Variants in PI4K2B observed in about 807,000 individuals in gnomAD.
PI4K2B encodes phosphatidylinositol 4-kinase type 2-beta.
A neutral mutation model predicts 56.6 loss-of-function variants in PI4K2B; 46 were observed. The ratio of observed to expected loss-of-function variants is 0.81; its 90% CI spans 0.64 to 1.04. The LOEUF (loss-of-function observed/expected upper bound fraction) is 1.04. Ranked by LOEUF, PI4K2B falls within the 50% of genes least tolerant of loss-of-function variation. PI4K2B has a pLI of 0.00. For missense variants in PI4K2B, 556 were observed against 607.7 expected (o/e 0.91, Z 0.89); for synonymous variants, 211 against 223.8 (o/e 0.94, Z 0.51).
chr4:25,248,164 T>A (rs1431422702), intron 1 of PI4K2B, among the ~76,000 whole-genome samples: 1 of 152,378 alleles, frequency 6.6e-6, no homozygotes, highest in East Asian at 1.9e-4. Context: ...ACTTCATACA[T>A]ACTTACTTCA....
In PI4K2B at chr4:25,234,229, G is replaced by C; in HGVS notation, c.66G>C (p.Glu22Asp). 13 of 1,427,952 alleles carry C rather than the reference G, an allele frequency of 9.1e-6. No homozygotes were observed. The highest frequency in any genetic ancestry group is 1.2e-5 in the Non-Finnish European group (13 of 1,090,252). The allele number at this position is 1,427,952 out of a possible 1,614,324, so 88.5% of individuals were successfully genotyped here. A position where few individuals can be genotyped will look rare whatever the true frequency, so the allele number is the denominator to read the frequency against. ...SADGGSPEEE[E>D]DGEREPLLPR... ...ACGGCGGGAGCCCGGAGGAGGAGGAGGATGGGGAGCGGGAGCCGCTGCTAC... is the reference window on the plus strand; with the variant it reads ...ACGGCGGGAGCCCGGAGGAGGAGGACGATGGGGAGCGGGAGCCGCTGCTAC... The change falls in exon 1 of 10, where the codon GAG (glutamate) becomes GAC (aspartate). Residue 22 changes from glutamate to aspartate, a missense_variant. Glu to Asp is a conservative substitution (Grantham distance 45). Transcript: ENST00000264864.
At chr4:25,243,934 A>T (rs569840709) in intron 1 of PI4K2B, among the ~76,000 whole-genome samples, 1 of 152,290 alleles carries the variant, frequency 6.6e-6, no homozygotes, top group African/African-American at 2.4e-5. Flanking sequence ...TTCGGCTGTC[A>T]TTCTATCATT....
chr4:25,250,087 C>T (rs910816767), intron 1 of PI4K2B, among the ~76,000 whole-genome samples: 9 of 152,154 alleles, frequency 5.9e-5, no homozygotes, highest in Non-Finnish European at 7.3e-5. Flanking sequence ...GGCGTGGCAG[C>T]GCGCGCCTGC....
intron 1 of PI4K2B, among the ~76,000 whole-genome samples, chr4:25,242,978 G>A (rs1010966740): frequency 6.6e-6 from 1 of 152,216 alleles, no homozygotes; most frequent in Non-Finnish European, 1.5e-5. Context: ...AGAAATGCAT[G>A]TGAAAAGAGC....
At chr4:25,262,353 AAATT>A (rs1716510707) in intron 6 of PI4K2B, among the ~76,000 whole-genome samples, 1 of 152,146 alleles carries the variant, frequency 6.6e-6, no homozygotes, top group South Asian at 2.1e-4. Flanking sequence ...AAAAATAAAA[AAATT>A]AAAGATAATT....
At chr4:25,250,850 G>A (rs1361716898) in intron 1 of PI4K2B, among the ~76,000 whole-genome samples, 1 of 152,172 alleles carries the variant, frequency 6.6e-6, no homozygotes, top group Non-Finnish European at 1.5e-5. Flanking sequence ...GTTGGATTCT[G>A]GGTATTTATT....
intron 7 of PI4K2B, among the ~76,000 whole-genome samples, chr4:25,266,042 A>G (rs199765036): frequency 6.7e-6 from 1 of 150,122 alleles, no homozygotes; most frequent in Non-Finnish European, 1.5e-5. Context: ...TTTTTTTTTA[A>G]TCAGTGTGAA....
chr4:25,267,897 C>G (rs1716724215), intron 7 of PI4K2B: 1 of 980,530 alleles, frequency 1.0e-6, no homozygotes, highest in Non-Finnish European at 1.2e-6. Flanking sequence ...TGATTTGTAG[C>G]TGTGGAGGCT....
intron 1 of PI4K2B, among the ~76,000 whole-genome samples, chr4:25,244,460 C>T (rs1715673968): frequency 6.6e-6 from 1 of 152,136 alleles, no homozygotes; most frequent in Non-Finnish European, 1.5e-5. Context: ...TTTGCTTTCC[C>T]TCTTACAGAA....
At chr4:25,252,094 T>G (rs1169695792) in intron 1 of PI4K2B, among the ~76,000 whole-genome samples, 8 of 152,184 alleles carry the variant, frequency 5.3e-5, no homozygotes, top group Admixed American at 5.2e-4. Flanking sequence ...CCTAAAGTGC[T>G]GGGATTACAG....
In PI4K2B at chr4:25,234,109, T is replaced by C. The variant is rs912234597; in HGVS notation, c.-55T>C. The C allele has an allele frequency of 1.6e-6, 2 of 1,245,682 alleles. No homozygotes were observed. The allele number at this position is 1,245,682 out of a possible 1,614,324, so 77.2% of individuals were successfully genotyped here. ...GTTCCGCGCCATGCAGAGCCCAGTC[T>C]CTGGCACCTGGCTGCTCTGATCTGG... On this transcript the variant is annotated 5_prime_UTR_variant, in exon 1 of 10. Coordinates refer to ENST00000264864, the MANE Select transcript of PI4K2B (RefSeq NM_018323.4).
chr4:25,272,187 G>C (rs1463401421), intron 9 of PI4K2B, among the ~76,000 whole-genome samples: 1 of 151,762 alleles, frequency 6.6e-6, no homozygotes, highest in African/African-American at 2.4e-5. Flanking sequence ...GAGTGTTCCA[G>C]TTCTGAGGCC....
At chr4:25,276,896 C>A in intron 9 of PI4K2B, 118 bp from the exon 10 acceptor site, 1 of 1,382,730 alleles carries the variant, frequency 7.2e-7, no homozygotes, top group Non-Finnish European at 9.4e-7. Context: ...TCTTCACAGT[C>A]TCTGTTGCTC....
Position 25,236,563 on chromosome 4 carries a change from T to A in PI4K2B, c.268+2132T>A, listed in dbSNP as rs562817357. ...GTGAGACTTTGTCTCAAAAAAAAAA[T>A]TAATTATTTTCACAACAGCACAGCA... On this transcript the variant is annotated intron_variant, in intron 1 of 9. Coordinates refer to ENST00000264864, the MANE Select transcript of PI4K2B (RefSeq NM_018323.4). Among the ~76,000 whole-genome samples the A allele has an allele frequency of 1.2e-3, 178 of 152,080 alleles. 2 individuals carry two copies. The South Asian group carries it at 0.021, about 18-fold the overall frequency.
rs1268236627 is a variant in PI4K2B, at chr4:25,235,593, A to G, written c.268+1162A>G. On this transcript the variant is annotated intron_variant, in intron 1 of 9. Transcript: ENST00000264864. Reference sequence around the variant, plus strand: ...TCTGCTCCCGTTATAATGTTACCTGATGGATGCATTGACGTTTAACCAAAC... The same window carrying G: ...TCTGCTCCCGTTATAATGTTACCTGGTGGATGCATTGACGTTTAACCAAAC... 2.6e-5 allele frequency among the ~76,000 whole-genome samples: 4 copies of G among 152,206 alleles called. No individual in the cohort carries two copies. The East Asian group carries it at 7.7e-4, about 29-fold the overall frequency.
rs1013911653 is a variant in PI4K2B, at chr4:25,278,606, C to A, written c.*1419C>A. On this transcript the variant is annotated 3_prime_UTR_variant, in exon 10 of 10. Coordinates refer to ENST00000264864, the MANE Select transcript of PI4K2B (RefSeq NM_018323.4). The stretch of plus-strand genomic sequence containing the variant: ...CCTGAGGGAGTTCATTGGAAACCTG[C>A]GTTCTCCTACCTCTTCCAACCCTCC... 6.6e-6 allele frequency: 1 copy of A among 152,580 alleles called. No homozygotes were observed. Among genetic ancestry groups the A allele is most frequent in the Non-Finnish European group, 1.5e-5 (1 of 68,020 alleles). 9.5% of individuals were successfully genotyped at this position (152,580 alleles called of 1,614,324 possible).
At chr4:25,252,514 T>G in intron 2 of PI4K2B, 39 bp downstream of exon 2, 2 of 1,273,930 alleles carry the variant, frequency 1.6e-6, no homozygotes, top group Non-Finnish European at 2.3e-6. Context: ...AATGGAAACT[T>G]TGGTAAATAC....
chr4:25,256,345 C>T (rs561068745), intron 3 of PI4K2B, among the ~76,000 whole-genome samples, 198 bp from the exon 4 acceptor site: 1 of 152,366 alleles, frequency 6.6e-6, no homozygotes, highest in East Asian at 1.9e-4. Context: ...TTTTATACCA[C>T]TCTCAGAAAG....
Position 25,268,446 on chromosome 4 carries a change from C to T in PI4K2B, c.1082C>T (p.Pro361Leu), listed in dbSNP as rs768335792. The T allele has an allele frequency of 1.2e-6, 2 of 1,602,846 alleles. No homozygotes were observed. The highest frequency in any genetic ancestry group is 2.2e-5 in the East Asian group (1 of 44,658). The change falls in exon 8 of 10, where the codon CCA becomes CTA. Residue 361 changes from proline (P) to leucine (L), a missense_variant. Physicochemically the swap from Pro to Leu is moderately conservative, Grantham distance 98. Coordinates refer to ENST00000264864, the MANE Select transcript of PI4K2B (RefSeq NM_018323.4). ...GGAGAATGCTTTTTTCTATTAGATC[C>T]ATTTCACTGGGCTTGGCTTCCTCAA... ...FKHPDEWRAY[P>L]FHWAWLPQAK...
Sources: allele counts gnomAD v4.1 joint callset (sites outside exome capture counted in the v4.1 genomes callset), GRCh38; gene constraint gnomAD v4.1.1; transcripts MANE v1.5; gene names NCBI Gene and HGNC (gene_info 2026-07-23, HGNC 2026-07-21).